PRKCZ: variants seen among roughly 807,000 people sequenced by gnomAD.
PRKCZ encodes the protein protein kinase C zeta, also known as protein kinase C zeta type.
A neutral mutation model predicts 79.5 loss-of-function variants in PRKCZ; 33 were observed. The ratio of observed to expected loss-of-function variants is 0.41; its 90% CI spans 0.31 to 0.55. PRKCZ has a LOEUF of 0.55. Among genes scored for constraint, PRKCZ ranks in the 20% least tolerant of loss-of-function variants. The pLI is 0.19. For missense variants in PRKCZ, 578 were observed against 813.5 expected (o/e 0.71, Z 3.52); for synonymous variants, 342 against 320.9 (o/e 1.07, Z -0.70).
upstream of PRKCZ, chr1:2,049,843 G>A (rs1220030567): frequency 1.3e-5 from 2 of 152,294 alleles, no homozygotes; most frequent in Admixed American, 1.3e-4. Context: ...TCCTTGACCT[G>A]GGCGAAGTGA....
At chr1:2,077,133 C>G (rs1342070872) in intron 4 of PRKCZ, among the ~76,000 whole-genome samples, 1 of 152,188 alleles carries the variant, frequency 6.6e-6, no homozygotes, top group Non-Finnish European at 1.5e-5. Flanking sequence ...GCTGTGAGCA[C>G]GTCTGACGGG....
chr1:2,075,965 C>T lies in PRKCZ; in HGVS notation c.334+16374C>T, dbSNP rs998658118. On this transcript the variant is annotated intron_variant, in intron 4 of 17. Transcript: ENST00000378567. The surrounding 1 kb of genome is among the most constrained non-coding windows in gnomAD (Gnocchi z 4.8). ...ACATGGAGGTTGAACTGTTGGGGGG[C>T]GGGAGGACCATCCATGGGGTCAGGC... Among the ~76,000 whole-genome samples, 12 of 152,188 alleles carry T rather than the reference C, an allele frequency of 7.9e-5. No homozygotes were observed. Among genetic ancestry groups the T allele is most frequent in the East Asian group, 5.8e-4 (3 of 5,194 alleles).
intron 16 of PRKCZ, among the ~76,000 whole-genome samples, chr1:2,183,247 T>C (rs1240130436): frequency 6.6e-6 from 1 of 150,528 alleles, no homozygotes; most frequent in African/African-American, 2.5e-5. Flanking sequence ...AAAAACAAAA[T>C]TAGCTGGGCA....
intron 10 of PRKCZ, among the ~76,000 whole-genome samples, chr1:2,166,191 G>A (rs1376840893): frequency 3.9e-5 from 6 of 152,220 alleles, no homozygotes; most frequent in African/African-American, 2.4e-5. Context: ...GGCTGAGGCC[G>A]GAGGATCACT....
At position 2,173,329 on chromosome 1, in the gene PRKCZ, G is replaced by T. The variant is rs1244759522; in HGVS notation, c.1286-568G>T. On this transcript the variant is annotated intron_variant, in intron 13 of 17. Coordinates refer to ENST00000378567, the MANE Select transcript of PRKCZ (RefSeq NM_002744.6). The surrounding 1 kb of genome is among the most constrained non-coding windows in gnomAD (Gnocchi z 5.7). ...TAGTCTAGAACCCAGCTTGGGATGG[G>T]GATTCCGTGTGGGACAGCGGCAGCG... 3.3e-5 allele frequency among the ~76,000 whole-genome samples: 5 copies of T among 152,240 alleles called. No individual in the cohort carries two copies. Among genetic ancestry groups the T allele is most frequent in the African/African-American group, 1.2e-4 (5 of 41,544 alleles).
At chr1:2,089,229 C>T (rs565389592) in intron 4 of PRKCZ, among the ~76,000 whole-genome samples, 9 of 104,736 alleles carry the variant, frequency 8.6e-5, no homozygotes, top group Admixed American at 5.7e-4. Flanking sequence ...CGATGGCAGA[C>T]GCCATGAGGA....
intron 4 of PRKCZ, among the ~76,000 whole-genome samples, chr1:2,102,735 A>C (rs1353495441): frequency 6.6e-6 from 1 of 152,112 alleles, no homozygotes; most frequent in Admixed American, 6.6e-5. Flanking sequence ...AGAGATCTAA[A>C]AATGCAAGTC....
In PRKCZ at chr1:2,113,947, A is replaced by G. The variant is rs1194555435; in HGVS notation, c.335-21315A>G. Among the ~76,000 whole-genome samples the G allele has an allele frequency of 1.2e-4, 19 of 152,198 alleles. 1 individual carries two copies. In the East Asian group the frequency reaches 3.7e-3, roughly 29 times the overall value. ...AGAGGGCGGGGGCCCAGCCCACAGC[A>G]TCCATGCCCTGGGGATTGGGTGCCA... On this transcript the variant is annotated intron_variant, in intron 4 of 17. Coordinates refer to ENST00000378567, the MANE Select transcript of PRKCZ (RefSeq NM_002744.6).
At chr1:2,164,617 G>A (rs557884897) in intron 10 of PRKCZ, among the ~76,000 whole-genome samples, 1 of 152,338 alleles carries the variant, frequency 6.6e-6, no homozygotes, top group Non-Finnish European at 1.5e-5. Context: ...GGATGCCGAG[G>A]CAGCCTAAAA....
chr1:2,073,862 C>T (rs1326919943), intron 4 of PRKCZ: 1 of 1,068,804 alleles, frequency 9.4e-7, no homozygotes, highest in African/African-American at 1.7e-5. Flanking sequence ...AAGGAAGATG[C>T]CTCCCTGCAC....
At chr1:2,105,205 G>T (rs1023656116) in intron 4 of PRKCZ, among the ~76,000 whole-genome samples, 7 of 152,160 alleles carry the variant, frequency 4.6e-5, no homozygotes, top group Admixed American at 4.6e-4. Flanking sequence ...CAGCTCTTGC[G>T]CTGTGTACCG....
At chr1:2,051,398 G>T (rs1659637570) in intron 1 of PRKCZ, among the ~76,000 whole-genome samples, 1 of 152,190 alleles carries the variant, frequency 6.6e-6, no homozygotes, top group Non-Finnish European at 1.5e-5. Context: ...GGGCTCACAG[G>T]CACAGCGGAG....
rs1660158223 is a variant in PRKCZ at position 2,056,343 on chromosome 1, G to A, written c.194-141G>A. On this transcript the variant is annotated intron_variant, in intron 2 of 17. Coordinates refer to ENST00000378567, the MANE Select transcript of PRKCZ (RefSeq NM_002744.6). ...GTGGACGGCCGTCCTTGGACCTCCCGACCCTGCCAGGAGGTGGCCAGTCTG... is the reference window on the plus strand; with the variant it reads ...GTGGACGGCCGTCCTTGGACCTCCCAACCCTGCCAGGAGGTGGCCAGTCTG... 1.2e-5 allele frequency: 9 copies of A among 734,114 alleles called. 1 individual carries two copies. The highest frequency in any genetic ancestry group is 3.9e-4 in the Middle Eastern group (1 of 2,550). The allele number at this position is 734,114 out of a possible 1,614,324, so 45.5% of individuals were successfully genotyped here.
chr1:2,073,827 G>T (rs1661878670), intron 4 of PRKCZ: 6 of 1,035,652 alleles, frequency 5.8e-6, no homozygotes, highest in Non-Finnish European at 7.0e-6. Context: ...GAGGCGAGCC[G>T]ACGCAGCATC....
intron 4 of PRKCZ, among the ~76,000 whole-genome samples, chr1:2,084,572 C>G (rs1012398795): frequency 1.3e-5 from 2 of 152,262 alleles, no homozygotes; most frequent in African/African-American, 4.8e-5. Flanking sequence ...TGTGCTCACC[C>G]TGCCCTGGTC....
intron 10 of PRKCZ, among the ~76,000 whole-genome samples, chr1:2,159,957 C>T (rs1231840537): frequency 6.6e-6 from 1 of 152,160 alleles, no homozygotes; most frequent in African/African-American, 2.4e-5. Flanking sequence ...AGTCGGAGGA[C>T]ACTTTCTCAC....
At chr1:2,181,365 G>A (rs1022127930) in intron 16 of PRKCZ, among the ~76,000 whole-genome samples, 3 of 152,304 alleles carry the variant, frequency 2.0e-5, no homozygotes, top group East Asian at 3.8e-4. Flanking sequence ...GACACGGAAC[G>A]GGCCCCCTGT....
intron 4 of PRKCZ, among the ~76,000 whole-genome samples, chr1:2,118,187 G>C (rs1671131242): frequency 1.3e-5 from 2 of 151,018 alleles, no homozygotes; most frequent in Non-Finnish European, 3.0e-5. Context: ...AGTAGAGACA[G>C]GGTTTCACCA....
chr1:2,181,566 C>G (rs759395921), intron 16 of PRKCZ, among the ~76,000 whole-genome samples: 1 of 152,220 alleles, frequency 6.6e-6, no homozygotes, highest in Non-Finnish European at 1.5e-5. Context: ...GCCCACGTGC[C>G]AGCTGCAGAG....
Sources: gnomAD v4.1 joint callset for allele counts (sites outside exome capture counted in the v4.1 genomes callset) on GRCh38, gnomAD v4.1.1 for gene constraint, Gnocchi (gnomAD v3.1) non-coding constraint, MANE v1.5 for transcripts, NCBI Gene and HGNC (gene_info 2026-07-23, HGNC 2026-07-21) for gene names.